Variants in C1QTNF7 observed in about 807,000 individuals in gnomAD.
C1QTNF7 encodes C1q and TNF related 7, also known as complement C1q tumor necrosis factor-related protein 7.
Under a neutral mutation model 19.6 loss-of-function variants are expected in C1QTNF7, and 15 were observed. The ratio of observed to expected loss-of-function variants is 0.76; its 90% CI spans 0.51 to 1.18. The LOEUF (loss-of-function observed/expected upper bound fraction) is 1.18. Ranked by LOEUF, C1QTNF7 falls within the 50% of genes most tolerant of loss-of-function variation. The pLI, the probability that C1QTNF7 is intolerant of heterozygous loss-of-function variation, is 0.00. For synonymous variants in C1QTNF7, 142 were observed against 137.5 expected (o/e 1.03, Z -0.23); for missense variants, 324 against 359.7 (o/e 0.90, Z 0.80).
Position 15,442,859 on chromosome 4 carries a change from AC to A in C1QTNF7, c.*61del, listed in dbSNP as rs1712841107. On this transcript the variant is annotated 3_prime_UTR_variant, in exon 3 of 3. Coordinates refer to ENST00000444304, the MANE Select transcript of C1QTNF7 (RefSeq NM_031911.5). The stretch of plus-strand genomic sequence containing the variant: ...TGAATCTGGGGTTCCAGAAGGTGGA[AC>A]AAGCAGGAATGGGATCCAAAGAGAC... The A allele has an allele frequency of 3.4e-6, 5 of 1,482,652 alleles. No individual in the cohort carries two copies. The highest frequency in any genetic ancestry group is 4.5e-6 in the Non-Finnish European group (5 of 1,111,798). 91.8% of individuals were successfully genotyped at this position (1,482,652 alleles called of 1,614,324 possible). A position where few individuals can be genotyped will look rare whatever the true frequency, so the allele number is the denominator to read the frequency against.
At chr4:15,342,556 GAAAGCGTCCCAC>G (rs1474441744) in intron 1 of C1QTNF7, among the ~76,000 whole-genome samples, 17 of 152,224 alleles carry the variant, frequency 1.1e-4, no homozygotes, top group Middle Eastern at 3.2e-3. Context: ...TGAAATCAAA[GAAAGCGTCCCAC>G]AAAGCTGTCC....
At chr4:15,394,803 C>A (rs1039907721) in intron 1 of C1QTNF7, among the ~76,000 whole-genome samples, 2 of 152,124 alleles carry the variant, frequency 1.3e-5, no homozygotes, top group Admixed American at 1.3e-4. Flanking sequence ...TAAGGCCTGG[C>A]CCTGGTACTT....
chr4:15,432,639 C>T (rs1322355567), intron 1 of C1QTNF7, among the ~76,000 whole-genome samples: 1 of 152,168 alleles, frequency 6.6e-6, no homozygotes, highest in East Asian at 1.9e-4. Context: ...AAGTGATCCT[C>T]CAACCTTGGC....
intron 1 of C1QTNF7, among the ~76,000 whole-genome samples, chr4:15,343,788 T>A (rs1026727168): frequency 5.9e-5 from 9 of 152,248 alleles, no homozygotes; most frequent in Admixed American, 1.3e-4. Context: ...ACTTACCAGA[T>A]ACAAAGAATT....
chr4:15,401,489 T>C (rs1278177961), intron 1 of C1QTNF7, among the ~76,000 whole-genome samples: 2 of 152,134 alleles, frequency 1.3e-5, no homozygotes, highest in Admixed American at 1.3e-4. Flanking sequence ...TCATCACATT[T>C]GAATGACACC....
chr4:15,367,538 A>T (rs1448965047), intron 1 of C1QTNF7, among the ~76,000 whole-genome samples: 1 of 152,218 alleles, frequency 6.6e-6, no homozygotes, highest in Non-Finnish European at 1.5e-5. Context: ...ACTAGGATGT[A>T]TGTGTATCAA....
In C1QTNF7 at chr4:15,445,527, G is replaced by A. The variant is rs1290413152; in HGVS notation, c.*2728G>A. Reference sequence around the variant, plus strand: ...AAACTGAATTTCCTTTAATTGGTTTGAAGCCTAGAGATGAATTTCGTTTTC... The same window carrying A: ...AAACTGAATTTCCTTTAATTGGTTTAAAGCCTAGAGATGAATTTCGTTTTC... On this transcript the variant is annotated 3_prime_UTR_variant, in exon 3 of 3. Transcript: ENST00000444304. The A allele has an allele frequency of 6.6e-6, 1 of 152,192 alleles. No homozygotes were observed. The highest frequency in any genetic ancestry group is 1.9e-4 in the East Asian group (1 of 5,196). 9.4% of individuals were successfully genotyped at this position (152,192 alleles called of 1,614,324 possible).
chr4:15,359,118 C>G (rs1717251947), intron 1 of C1QTNF7, among the ~76,000 whole-genome samples: 1 of 152,066 alleles, frequency 6.6e-6, no homozygotes, highest in South Asian at 2.1e-4. Flanking sequence ...CAATGGGCGG[C>G]TAGGCATAGG....
At chr4:15,419,548 T>C (rs1711639292) in intron 1 of C1QTNF7, among the ~76,000 whole-genome samples, 1 of 152,048 alleles carries the variant, frequency 6.6e-6, no homozygotes, top group African/African-American at 2.4e-5. Flanking sequence ...AGAACAAAAA[T>C]AACAGAAAGA....
rs1420705878 is a variant in C1QTNF7, at chr4:15,348,861, C to T, written c.13+8654C>T. Among the ~76,000 whole-genome samples the T allele has an allele frequency of 3.3e-5, 5 of 152,176 alleles. No individual in the cohort carries two copies. In the East Asian group the frequency reaches 9.7e-4, roughly 29 times the overall value. On this transcript the variant is annotated intron_variant, in intron 1 of 2. Transcript: ENST00000295297. ...TGTGGGAAACCTCAAGAGTCTTTGT[C>T]ATTCAACACCTAAGTCCTAAATCAA... is the stretch of plus-strand genomic sequence containing the variant.
intron 1 of C1QTNF7, among the ~76,000 whole-genome samples, chr4:15,387,355 G>A (rs1197525299): frequency 6.6e-6 from 1 of 151,994 alleles, no homozygotes; most frequent in African/African-American, 2.4e-5. Flanking sequence ...GGGAGGTCTG[G>A]GCTAGAAATA....
At chr4:15,350,893 C>T (rs1716912669) in intron 1 of C1QTNF7, among the ~76,000 whole-genome samples, 1 of 152,166 alleles carries the variant, frequency 6.6e-6, no homozygotes, top group Admixed American at 6.5e-5. Context: ...GAAGTAATTT[C>T]CCAAGATTTG....
chr4:15,411,501 A>G (rs949716079), intron 1 of C1QTNF7, among the ~76,000 whole-genome samples: 1 of 152,138 alleles, frequency 6.6e-6, no homozygotes, highest in African/African-American at 2.4e-5. Flanking sequence ...TTCCTAGAGG[A>G]GACAGTGAGC....
chr4:15,400,811 A>C (rs1718959892), intron 1 of C1QTNF7, among the ~76,000 whole-genome samples: 1 of 152,250 alleles, frequency 6.6e-6, no homozygotes, highest in South Asian at 2.1e-4. Context: ...AAAAGCCTTT[A>C]TGTTACATGC....
intron 1 of C1QTNF7, among the ~76,000 whole-genome samples, chr4:15,343,234 A>G (rs1716605299): frequency 6.6e-6 from 1 of 152,244 alleles, no homozygotes; most frequent in Non-Finnish European, 1.5e-5. Flanking sequence ...TTTCTGAAGT[A>G]TCACATAGAC....
intron 1 of C1QTNF7, among the ~76,000 whole-genome samples, chr4:15,361,791 G>A (rs1717351964): frequency 6.6e-6 from 1 of 152,184 alleles, no homozygotes; most frequent in South Asian, 2.1e-4. Flanking sequence ...AGACTAAGGA[G>A]AGGCATTGCT....
intron 1 of C1QTNF7, among the ~76,000 whole-genome samples, chr4:15,419,600 G>A (rs1190060817): frequency 6.6e-6 from 1 of 152,230 alleles, no homozygotes; most frequent in South Asian, 2.1e-4. Context: ...CTGAGAAATA[G>A]AACTAAATAA....
intron 1 of C1QTNF7, among the ~76,000 whole-genome samples, chr4:15,361,726 C>T (rs965857258): frequency 6.6e-6 from 1 of 152,116 alleles, no homozygotes; most frequent in Non-Finnish European, 1.5e-5. Flanking sequence ...AATTTCAAAA[C>T]CCAAATGGCA....
intron 2 of C1QTNF7, among the ~76,000 whole-genome samples, chr4:15,438,528 C>T (rs967532634): frequency 6.6e-6 from 1 of 152,184 alleles, no homozygotes; most frequent in Non-Finnish European, 1.5e-5. Context: ...CTTCCCTATC[C>T]TAAATGAGAA....
Sources: gnomAD v4.1 joint callset for allele counts (sites outside exome capture counted in the v4.1 genomes callset) on GRCh38, gnomAD v4.1.1 for gene constraint, MANE v1.5 for transcripts, NCBI Gene and HGNC (gene_info 2026-07-23, HGNC 2026-07-21) for gene names.